Variants in GSTO1 observed in about 807,000 individuals in gnomAD.
GSTO1 encodes the protein glutathione S-transferase omega 1.
A neutral mutation model predicts 23.8 loss-of-function variants in GSTO1; 27 were observed. The ratio of observed to expected loss-of-function variants is 1.13; its 90% confidence interval spans 0.83 to 1.56. The LOEUF is 1.56. Ranked by LOEUF, GSTO1 falls within the 40% of genes most tolerant of loss-of-function variation. GSTO1 has a pLI of 0.00. For synonymous variants in GSTO1, 105 were observed against 109.3 expected (o/e 0.96, Z 0.25); for missense variants, 255 against 285.8 (o/e 0.89, Z 0.78).
Position 104,267,239 on chromosome 10 carries a change from C to G in GSTO1, c.573-13C>G. ...ACCTAGCTCACACCTTTCATTTTTT[C>G]CTCTTCCCACAGGTGTGTAGACCAC... On this transcript the variant is annotated splice_polypyrimidine_tract_variant and intron_variant, in intron 5 of 5. Coordinates refer to ENST00000369713, the MANE Select transcript of GSTO1 (RefSeq NM_004832.3). 6.3e-7 allele frequency: 1 copy of G among 1,590,816 alleles called. No individual in the cohort carries two copies. The highest frequency in any genetic ancestry group is 1.1e-5 in the South Asian group (1 of 87,980).
chr10:104,261,537 A>AAC (rs367577219), intron 3 of GSTO1, among the ~76,000 whole-genome samples: 11,205 of 152,226 alleles, frequency 0.074, 1,381 homozygotes, highest in African/African-American at 0.25. Flanking sequence ...AAATAATGTT[A>AAC]ATTAGAGGCT....
intron 4 of GSTO1, among the ~76,000 whole-genome samples, chr10:104,263,586 G>A (rs1034120187): frequency 2.0e-5 from 3 of 152,096 alleles, no homozygotes; most frequent in African/African-American, 7.2e-5. Flanking sequence ...CTTCTTTTGG[G>A]GACAGCTGAC....
intron 2 of GSTO1, among the ~76,000 whole-genome samples, chr10:104,255,809 G>T (rs2091600417): frequency 6.6e-6 from 1 of 152,238 alleles, no homozygotes; most frequent in South Asian, 2.1e-4. Flanking sequence ...ATAGAGGGAA[G>T]TGTCTGTCTA....
At chr10:104,264,126 GTAAC>G (rs1319873851) in intron 4 of GSTO1, among the ~76,000 whole-genome samples, 2 of 152,146 alleles carry the variant, frequency 1.3e-5, no homozygotes, top group African/African-American at 4.8e-5. Flanking sequence ...AATGAGTTGG[GTAAC>G]TAACCTGTTT....
At chr10:104,266,297 A>G (rs2011182425) in intron 5 of GSTO1, 107 bp downstream of exon 5, 2 of 643,068 alleles carry the variant, frequency 3.1e-6, no homozygotes, top group South Asian at 3.5e-5. Flanking sequence ...ACTGGTCTGA[A>G]TGAGAACAAG....
intron 3 of GSTO1, 58 bp downstream of exon 3, chr10:104,259,856 C>A: frequency 1.9e-6 from 2 of 1,074,334 alleles, no homozygotes; most frequent in South Asian, 2.6e-5. Context: ...AAAGCGAAAT[C>A]AGTGCTGCCA....
rs141387929 is a variant in GSTO1 at position 104,263,052 on chromosome 10, G to A, written c.440G>A (p.Arg147His). 2.2e-5 allele frequency: 33 copies of A among 1,503,620 alleles called. No individual in the cohort carries two copies. The East Asian group carries it at 4.0e-4, about 18-fold the overall frequency. The allele number at this position is 1,503,620 out of a possible 1,614,324, so 93.1% of individuals were successfully genotyped here. A position where few individuals can be genotyped will look rare whatever the true frequency, so the allele number is the denominator to read the frequency against. ...TATGCTGGCCTAAAAGAAGAATTTC[G>A]TAAAGAATTTACCAAGCTAGAGGAG... ...EDYAGLKEEF[R>H]KEFTKLEEVL... Residue 147 changes from arginine (R) to histidine (H), a missense_variant, in exon 4 of 6, where the codon CGT (arginine) becomes CAT (histidine). Coordinates refer to ENST00000369713, the MANE Select transcript of GSTO1 (RefSeq NM_004832.3).
chr10:104,255,573 T>C (rs2091599308), intron 2 of GSTO1, among the ~76,000 whole-genome samples: 1 of 152,234 alleles, frequency 6.6e-6, no homozygotes, highest in African/African-American at 2.4e-5. Flanking sequence ...GCAGCTCTTT[T>C]AGCTTTGGTA....
In GSTO1 at chr10:104,266,152, G is replaced by C; in HGVS notation, c.534G>C (p.Trp178Cys). The C allele has an allele frequency of 1.9e-6, 3 of 1,610,914 alleles. No individual in the cohort carries two copies. The highest frequency in any genetic ancestry group is 1.1e-5 in the South Asian group (1 of 91,012). ...TCTCTATGATTGATTACCTCATCTG[G>C]CCCTGGTTTGAACGGCTGGAAGCAA... is the stretch of plus-strand genomic sequence containing the variant. ...NSISMIDYLI[W>C]PWFERLEAMK... The change falls in exon 5 of 6, where the codon TGG becomes TGC. Residue 178 changes from tryptophan to cysteine, a missense_variant. Physicochemically the swap from Trp to Cys is radical, Grantham distance 215 (BLOSUM62 -2). Transcript: ENST00000369713.
intron 2 of GSTO1, among the ~76,000 whole-genome samples, chr10:104,258,727 G>A (rs2135055295): frequency 6.6e-6 from 1 of 152,244 alleles, no homozygotes; most frequent in South Asian, 2.1e-4. Context: ...GATGGTGCAC[G>A]CCTGTGGTCC....
intron 2 of GSTO1, among the ~76,000 whole-genome samples, chr10:104,257,950 C>T (rs949585818): frequency 5.3e-5 from 8 of 152,162 alleles, no homozygotes; most frequent in African/African-American, 1.7e-4. Context: ...ATCTATATAG[C>T]ATTTTGCTCA....
At chr10:104,261,171 A>G (rs533876495) in intron 3 of GSTO1, among the ~76,000 whole-genome samples, 1 of 152,340 alleles carries the variant, frequency 6.6e-6, no homozygotes, top group South Asian at 2.1e-4. Context: ...CTTGTAGGAC[A>G]CGTCAGAGAA....
rs978522988 is a variant in GSTO1, at chr10:104,255,244, G to T, written c.116G>T (p.Arg39Leu). The change falls in exon 2 of 6, where the codon CGT becomes CTT. Residue 39 changes from arginine (R) to leucine (L), a missense_variant. Transcript: ENST00000369713. ...MRFCPFAERTRLVLKAKGIRH... is the reference protein window; with the variant it reads ...MRFCPFAERTLLVLKAKGIRH... ...TTCTGCCCGTTTGCTGAGAGGACGCGTCTAGTCCTGAAGGCCAAGGGAATC... is the reference window on the plus strand; with the variant it reads ...TTCTGCCCGTTTGCTGAGAGGACGCTTCTAGTCCTGAAGGCCAAGGGAATC... The T allele has an allele frequency of 6.2e-7, 1 of 1,612,926 alleles. No homozygotes were observed. The highest frequency in any genetic ancestry group is 1.3e-5 in the African/African-American group (1 of 75,030).
In GSTO1 at chr10:104,267,334, G is replaced by A; in HGVS notation, c.655G>A (p.Glu219Lys). 1 of 1,613,662 alleles carries A rather than the reference G, an allele frequency of 6.2e-7. No individual in the cohort carries two copies. The highest frequency in any genetic ancestry group is 8.5e-7 in the Non-Finnish European group (1 of 1,179,564). The stretch of plus-strand genomic sequence containing the variant: ...CACAGTCTCAGCCCTGCTTACTAGT[G>A]AGAAAGACTGGCAAGGTTTCCTAGA... ...DPTVSALLTSEKDWQGFLELY... is the reference protein window; with the variant it reads ...DPTVSALLTSKKDWQGFLELY... Residue 219 changes from glutamate to lysine, a missense_variant, in exon 6 of 6, where the codon GAG becomes AAG. Physicochemically the swap from Glu to Lys is moderately conservative, Grantham distance 56. Coordinates refer to ENST00000369713, the MANE Select transcript of GSTO1 (RefSeq NM_004832.3).
intron 4 of GSTO1, among the ~76,000 whole-genome samples, chr10:104,264,694 A>G (rs2011165039): frequency 6.6e-6 from 1 of 152,238 alleles, no homozygotes. Flanking sequence ...TAAGCTGAAA[A>G]TATCATAAGT....
At chr10:104,264,726 C>T (rs2011165445) in intron 4 of GSTO1, among the ~76,000 whole-genome samples, 1 of 152,198 alleles carries the variant, frequency 6.6e-6, no homozygotes, top group Non-Finnish European at 1.5e-5. Context: ...TTAATAAACC[C>T]AACCTACAGA....
At chr10:104,255,063 C>A in intron 1 of GSTO1, 100 bp from the exon 2 acceptor site, 1 of 1,438,592 alleles carries the variant, frequency 7.0e-7, no homozygotes. Flanking sequence ...GCCCCACCGG[C>A]GGGGAACGGG....
At chr10:104,255,381 T>C (rs2091598307) in intron 2 of GSTO1, 110 bp downstream of exon 2, 1 of 680,128 alleles carries the variant, frequency 1.5e-6, no homozygotes, top group South Asian at 1.7e-5. Context: ...CAGCGTCCTT[T>C]ACTGCACATT....
Position 104,254,934 on chromosome 10 carries a change from C to A in GSTO1, c.6C>A (p.Ser2=), listed in dbSNP as rs747892529. The A allele has an allele frequency of 6.2e-7, 1 of 1,611,394 alleles. No individual in the cohort carries two copies. The highest frequency in any genetic ancestry group is 8.5e-7 in the Non-Finnish European group (1 of 1,179,250). Residue 2 remains serine, a synonymous_variant, in exon 1 of 6, where the codon TCC becomes TCA. Coordinates refer to ENST00000369713, the MANE Select transcript of GSTO1 (RefSeq NM_004832.3). M[S]GESARSLGKG... ...TCGGCCTGCGCTGCGCCACGATGTC[C>A]GGGGAGTCAGCCAGGAGCTTGGGGA...
Sources: gnomAD v4.1 joint callset for allele counts (sites outside exome capture counted in the v4.1 genomes callset) on GRCh38, gnomAD v4.1.1 for gene constraint, MANE v1.5 for transcripts, NCBI Gene and HGNC (gene_info 2026-07-23, HGNC 2026-07-21) for gene names.